The following YWHAG variants were observed in gnomAD, a reference collection of about 807,000 sequenced individuals.
The protein encoded by YWHAG is 14-3-3 protein gamma.
In YWHAG, 1 loss-of-function variant was observed where a neutral mutation model predicts 23.3. The observed-to-expected ratio is 0.04, with a 90% CI of 0.02 to 0.20. The LOEUF (loss-of-function observed/expected upper bound fraction) is 0.20, where lower values mean the gene tolerates loss of function less well. Among genes scored for constraint, YWHAG ranks in the 10% least tolerant of loss-of-function variants. YWHAG has a pLI of 1.00. For synonymous variants in YWHAG, 160 were observed against 144.0 expected (o/e 1.11, Z -0.80); for missense variants, 151 against 338.6 (o/e 0.45, Z 4.35).
At chr7:76,345,129 G>C (rs961827366) in intron 1 of YWHAG, among the ~76,000 whole-genome samples, 3 of 151,718 alleles carry the variant, frequency 2.0e-5, no homozygotes, top group African/African-American at 7.3e-5. Context: ...CTAGGTTATT[G>C]CCTGCCACCT....
At chr7:76,339,886 C>A (rs1039186496) in intron 1 of YWHAG, among the ~76,000 whole-genome samples, 26 of 152,070 alleles carry the variant, frequency 1.7e-4, no homozygotes, top group Non-Finnish European at 3.7e-4. Flanking sequence ...CTCAGGAGTT[C>A]GAGACCAGGC....
At chr7:76,344,576 T>G (rs772658948) in intron 1 of YWHAG, among the ~76,000 whole-genome samples, 9 of 152,166 alleles carry the variant, frequency 5.9e-5, no homozygotes, top group Non-Finnish European at 1.0e-4. Flanking sequence ...ACACCCATAT[T>G]GACTCCTACA....
chr7:76,342,019 T>C lies in YWHAG; in HGVS notation c.88-11786A>G, dbSNP rs1181330805. Among the ~76,000 whole-genome samples, 4 of 152,216 alleles carry C rather than the reference T, an allele frequency of 2.6e-5. No individual in the cohort carries two copies. In the East Asian group the frequency reaches 7.7e-4, roughly 29 times the overall value. On this transcript the variant is annotated intron_variant, in intron 1 of 1. Transcript: ENST00000307630. ...TAAAATTCGAAATACTTGATGCTTCTTAATACATGGACTTACACACAGAAA... is the reference window on the plus strand; with the variant it reads ...TAAAATTCGAAATACTTGATGCTTCCTAATACATGGACTTACACACAGAAA...
At chr7:76,331,548 G>A (rs542433087) in intron 1 of YWHAG, among the ~76,000 whole-genome samples, 7 of 149,924 alleles carry the variant, frequency 4.7e-5, no homozygotes, top group South Asian at 2.1e-4. Flanking sequence ...TTCTTTTTGC[G>A]ATTTTTTTTT....
chr7:76,339,181 G>A (rs1803656536), intron 1 of YWHAG, among the ~76,000 whole-genome samples: 1 of 152,118 alleles, frequency 6.6e-6, no homozygotes. Flanking sequence ...TAAAAATAAT[G>A]GTAATAGGCT....
At chr7:76,350,400 T>C (rs1399305701) in intron 1 of YWHAG, among the ~76,000 whole-genome samples, 1 of 152,216 alleles carries the variant, frequency 6.6e-6, no homozygotes, top group Non-Finnish European at 1.5e-5. Flanking sequence ...TTCCAGCAAT[T>C]CCCCTCTTGG....
chr7:76,341,388 G>A (rs1803691062), intron 1 of YWHAG, among the ~76,000 whole-genome samples: 1 of 103,200 alleles, frequency 9.7e-6, no homozygotes, highest in Non-Finnish European at 1.7e-5. Flanking sequence ...TGGGTGACAG[G>A]ACAAGACTCT....
At chr7:76,345,651 A>T (rs906486593) in intron 1 of YWHAG, among the ~76,000 whole-genome samples, 1 of 152,036 alleles carries the variant, frequency 6.6e-6, no homozygotes, top group African/African-American at 2.4e-5. Flanking sequence ...GTTAAGATTT[A>T]AAAAAATGAG....
At chr7:76,331,214 G>A (rs1803536202) in intron 1 of YWHAG, among the ~76,000 whole-genome samples, 2 of 151,972 alleles carry the variant, frequency 1.3e-5, no homozygotes, top group Non-Finnish European at 2.9e-5. Context: ...ACCTCCCCAG[G>A]CTCAGATGAT....
chr7:76,330,342 A>T (rs998580355), intron 1 of YWHAG, 109 bp from the exon 2 acceptor site: 13 of 1,192,434 alleles, frequency 1.1e-5, no homozygotes, highest in South Asian at 4.7e-5. Context: ...GATGAACAGA[A>T]GGAAATTACT....
At chr7:76,335,127 G>A (rs1041824062) in intron 1 of YWHAG, among the ~76,000 whole-genome samples, 8 of 151,970 alleles carry the variant, frequency 5.3e-5, no homozygotes, top group Non-Finnish European at 1.0e-4. Flanking sequence ...GCACAATCCC[G>A]GCTCACTGCA....
At chr7:76,356,288 G>T (rs1290117147) in intron 1 of YWHAG, among the ~76,000 whole-genome samples, 1 of 152,120 alleles carries the variant, frequency 6.6e-6, no homozygotes, top group Non-Finnish European at 1.5e-5. Flanking sequence ...ACTTTTTCAA[G>T]TATTGTCCCA....
intron 1 of YWHAG, among the ~76,000 whole-genome samples, chr7:76,351,875 C>CA (rs1803879853): frequency 6.6e-6 from 1 of 152,180 alleles, no homozygotes; most frequent in South Asian, 2.1e-4. Context: ...ATCCCCAAAC[C>CA]ATCCCCTTAC....
intron 1 of YWHAG, among the ~76,000 whole-genome samples, chr7:76,331,876 G>A (rs1188694043): frequency 6.6e-6 from 1 of 151,948 alleles, no homozygotes; most frequent in Non-Finnish European, 1.5e-5. Context: ...TATAAACGGG[G>A]GGTATGCTTG....
At chr7:76,345,089 G>T (rs1803756930) in intron 1 of YWHAG, among the ~76,000 whole-genome samples, 1 of 152,018 alleles carries the variant, frequency 6.6e-6, no homozygotes, top group Non-Finnish European at 1.5e-5. Flanking sequence ...AGAACTAGAG[G>T]TTGAAGTCAC....
Position 76,333,577 on chromosome 7 carries a change from A to T in YWHAG, c.88-3344T>A, listed in dbSNP as rs12673876. On this transcript the variant is annotated intron_variant, in intron 1 of 1. Transcript: ENST00000307630. ...TCTTCTCCGTTTCATCCTCTTCTCT[A>T]TATTAAGCGGAAACTGCCTTAGCTG... Among the ~76,000 whole-genome samples, 304 of 152,118 alleles carry T rather than the reference A, an allele frequency of 2.0e-3. 10 individuals carry two copies. In the East Asian group the frequency reaches 0.042, roughly 21 times the overall value.
At position 76,328,476 on chromosome 7, in the gene YWHAG, A is replaced by G. The variant is rs1404333250; in HGVS notation, c.*1101T>C. The G allele has an allele frequency of 6.6e-6, 1 of 152,148 alleles. No individual in the cohort carries two copies. The highest frequency in any genetic ancestry group is 2.4e-5 in the African/African-American group (1 of 41,434). The allele number at this position is 152,148 out of a possible 1,614,324, so 9.4% of individuals were successfully genotyped here. ...ATAGCTCTTCCTTTTGGGTTTTTCT[A>G]CCAGTAGGCTTCTAGCACCTGAATT... is the stretch of plus-strand genomic sequence containing the variant. On this transcript the variant is annotated 3_prime_UTR_variant, in exon 2 of 2. Transcript: ENST00000307630.
At chr7:76,358,436 G>A (rs959746635) in intron 1 of YWHAG, among the ~76,000 whole-genome samples, 2 of 152,208 alleles carry the variant, frequency 1.3e-5, no homozygotes, top group East Asian at 3.8e-4. Flanking sequence ...GAGCCGCGGG[G>A]GCCGGAGACC....
intron 1 of YWHAG, among the ~76,000 whole-genome samples, chr7:76,355,534 T>C (rs756819331): frequency 6.6e-6 from 1 of 152,180 alleles, no homozygotes; most frequent in African/African-American, 2.4e-5. Context: ...TCAAGCCACA[T>C]GACTTAGAAT....
Sources: gnomAD v4.1 joint callset for allele counts (sites outside exome capture counted in the v4.1 genomes callset) on GRCh38, gnomAD v4.1.1 for gene constraint, MANE v1.5 for transcripts, NCBI Gene and HGNC (gene_info 2026-07-23, HGNC 2026-07-21) for gene names.